Variants in PSKH2 observed in about 807,000 individuals in gnomAD.
PSKH2 encodes serine/threonine-protein kinase H2.
PSKH2 carries 16 observed loss-of-function variants against 22.5 expected under a neutral mutation model. That is an observed-to-expected ratio of 0.71 (90% CI 0.48 to 1.08). The LOEUF (loss-of-function observed/expected upper bound fraction) is 1.08. PSKH2 is among the 50% of genes least tolerant of loss of function. PSKH2 has a pLI of 0.00. For missense variants in PSKH2, 516 were observed against 492.8 expected (o/e 1.05, Z -0.44); for synonymous variants, 188 against 184.8 (o/e 1.02, Z -0.14).
chr8:86,056,142 T>A (rs76274784), intron 2 of PSKH2, among the ~76,000 whole-genome samples: 2 of 151,692 alleles, frequency 1.3e-5, no homozygotes, highest in East Asian at 1.9e-4. Flanking sequence ...TTTTTTTTTT[T>A]AAATGAGCTG....
At chr8:86,061,021 G>T (rs1817770171) in intron 2 of PSKH2, among the ~76,000 whole-genome samples, 1 of 152,174 alleles carries the variant, frequency 6.6e-6, no homozygotes, top group Non-Finnish European at 1.5e-5. Context: ...GAGTCACTCT[G>T]CCTTGACCTC....
Position 86,047,886 on chromosome 8 carries a change from G to T in PSKH2, c.*576C>A, listed in dbSNP as rs541445899. 6.6e-6 allele frequency among the ~76,000 whole-genome samples: 1 copy of T among 151,854 alleles called. No individual in the cohort carries two copies. The highest frequency in any genetic ancestry group is 2.4e-5 in the African/African-American group (1 of 41,348). On this transcript the variant is annotated 3_prime_UTR_variant, in exon 3 of 3. Transcript: ENST00000276616. The stretch of plus-strand genomic sequence containing the variant: ...ATTCTTAAAAATCTCTATTTTTCCC[G>T]TGAATAATGCCCCAATTAGACTAAA...
intron 1 of PSKH2, among the ~76,000 whole-genome samples, chr8:86,067,654 A>G (rs547757624): frequency 1.3e-5 from 2 of 152,230 alleles, no homozygotes; most frequent in East Asian, 1.9e-4. Context: ...ATTTTTGAAC[A>G]TAGATTAAAG....
Position 86,069,664 on chromosome 8 carries a change from G to A in PSKH2, c.-42C>T. 1 of 1,477,788 alleles carries A rather than the reference G, an allele frequency of 6.8e-7. No homozygotes were observed. The highest frequency in any genetic ancestry group is 8.9e-7 in the Non-Finnish European group (1 of 1,118,686). The allele number at this position is 1,477,788 out of a possible 1,614,324, so 91.5% of individuals were successfully genotyped here. Reference sequence around the variant, plus strand: ...CCGCTCGCGGGACCTGGGGACTCGGGAAGCAGCCAGCCCCGTTCCTCCGCC... The same window carrying A: ...CCGCTCGCGGGACCTGGGGACTCGGAAAGCAGCCAGCCCCGTTCCTCCGCC... On this transcript the variant is annotated 5_prime_UTR_variant, in exon 1 of 3. Transcript: ENST00000276616.
chr8:86,062,763 A>C (rs1255187925), intron 2 of PSKH2, among the ~76,000 whole-genome samples: 2 of 152,216 alleles, frequency 1.3e-5, no homozygotes, highest in Admixed American at 6.5e-5. Context: ...ATTTCTTTAC[A>C]GTAGTGTGAA....
chr8:86,064,003 TG>T lies in PSKH2; in HGVS notation c.813del (p.Tyr271Ter). 6.2e-7 allele frequency: 1 copy of T among 1,613,678 alleles called. No individual in the cohort carries two copies. Among genetic ancestry groups the T allele is most frequent in the Non-Finnish European group, 8.5e-7 (1 of 1,179,832 alleles). On this transcript the variant is annotated frameshift_variant, in exon 2 of 3. Transcript: ENST00000276616. LOFTEE classifies it low-confidence loss of function (END_TRUNC). ...TTATATTTGCCTTTCAGAATCTTCC[TG>T]TAAAGCCTTGTCTGGCTTTCATCAT... ...PFDDESQTRL[Y>X]RKILKGKYNY...
At chr8:86,068,805 C>T (rs1817902546) in intron 1 of PSKH2, among the ~76,000 whole-genome samples, 1 of 152,142 alleles carries the variant, frequency 6.6e-6, no homozygotes, top group Non-Finnish European at 1.5e-5. Context: ...ACCGCAGATG[C>T]TGGAGGTTGG....
In PSKH2 at chr8:86,055,566, A is replaced by T. The variant is rs192992384; in HGVS notation, c.853-6799T>A. 3.6e-3 allele frequency among the ~76,000 whole-genome samples: 548 copies of T among 152,336 alleles called. 2 individuals are homozygous for T. The highest frequency in any genetic ancestry group is 5.2e-3 in the Admixed American group (80 of 15,298). On this transcript the variant is annotated intron_variant, in intron 2 of 2. Transcript: ENST00000276616. ...TAATTAAGCACCACATATTTTGGTG[A>T]GCATAAGTACTTAGGAACTAAACCA...
intron 1 of PSKH2, among the ~76,000 whole-genome samples, chr8:86,065,247 A>T (rs1391095949): frequency 1.3e-5 from 2 of 152,224 alleles, no homozygotes; most frequent in Non-Finnish European, 2.9e-5. Flanking sequence ...GAGAATAAAC[A>T]GTATGTTTCT....
At chr8:86,062,104 G>A (rs927995497) in intron 2 of PSKH2, among the ~76,000 whole-genome samples, 3 of 152,088 alleles carry the variant, frequency 2.0e-5, no homozygotes, top group Non-Finnish European at 4.4e-5. Context: ...CCATGCAAAC[G>A]TTTTCCCACA....
chr8:86,055,400 T>A lies in PSKH2; in HGVS notation c.853-6633A>T, dbSNP rs144767444. 3.5e-4 allele frequency among the ~76,000 whole-genome samples: 53 copies of A among 152,290 alleles called. No individual in the cohort carries two copies. In the East Asian group the frequency reaches 9.8e-3, roughly 28 times the overall value. ...GTGATTGAGTTTAAGAGATGAAGGT[T>A]TATATCCATTCAGTTTAAGGCAAGT... On this transcript the variant is annotated intron_variant, in intron 2 of 2. Coordinates refer to ENST00000276616, the MANE Select transcript of PSKH2 (RefSeq NM_033126.3).
At position 86,064,624 on chromosome 8, in the gene PSKH2, T is replaced by C; in HGVS notation, c.193A>G (p.Ile65Val). Residue 65 changes from isoleucine to valine, a missense_variant, in exon 2 of 3, where the codon ATC becomes GTC. Ile to Val is a conservative substitution (Grantham distance 29). Coordinates refer to ENST00000276616, the MANE Select transcript of PSKH2 (RefSeq NM_033126.3). ...FDPRVLARYD[I>V]KALIGTGSFS... ...CTGCCTGTCCCAATAAGAGCTTTGATGTCATATCTGTTGGGAAGAAAAACC... is the reference window on the plus strand; with the variant it reads ...CTGCCTGTCCCAATAAGAGCTTTGACGTCATATCTGTTGGGAAGAAAAACC... 6.2e-7 allele frequency: 1 copy of C among 1,609,110 alleles called. No homozygotes were observed. The highest frequency in any genetic ancestry group is 1.1e-5 in the South Asian group (1 of 90,936).
intron 1 of PSKH2, among the ~76,000 whole-genome samples, chr8:86,065,275 G>C (rs750219014): frequency 1.3e-5 from 2 of 152,162 alleles, no homozygotes; most frequent in African/African-American, 2.4e-5. Context: ...GCTTGACTGT[G>C]AGCTCAGCCC....
Position 86,048,608 on chromosome 8 carries a change from G to T in PSKH2, c.1012C>A (p.Arg338=), listed in dbSNP as rs772210187. The change falls in exon 3 of 3, where the codon CGA becomes AGA. Residue 338 remains arginine, a synonymous_variant. Coordinates refer to ENST00000276616, the MANE Select transcript of PSKH2 (RefSeq NM_033126.3). ...GGAGAGGCCCTCTGCATGAGGTTTC[G>T]GGATATGGCCCTCTGGAGATTCTTC... ...SMKNLQRAIS[R]NLMQRASPHS... is the part of the protein sequence containing the mutation. 1.9e-6 allele frequency: 3 copies of T among 1,613,952 alleles called. No individual in the cohort carries two copies. Among genetic ancestry groups the T allele is most frequent in the Non-Finnish European group, 8.5e-7 (1 of 1,180,012 alleles).
rs762540551 is a variant in PSKH2 at position 86,069,527 on chromosome 8, C to T, written c.96G>A (p.Ala32=). 2.9e-5 allele frequency: 46 copies of T among 1,608,916 alleles called. No homozygotes were observed. The highest frequency in any genetic ancestry group is 3.6e-5 in the Non-Finnish European group (42 of 1,178,474). ...GGGCCGCCGCCTCGGGCCCAGGCCCCGCGCCTCCGACGCCGGCTTGGTTTT... is the reference window on the plus strand; with the variant it reads ...GGGCCGCCGCCTCGGGCCCAGGCCCTGCGCCTCCGACGCCGGCTTGGTTTT... ...EGQNQAGVGG[A]GPGPEAAAQA... is the part of the protein sequence containing the mutation. The change falls in exon 1 of 3, where the codon GCG becomes GCA. Residue 32 remains alanine, a synonymous_variant. Coordinates refer to ENST00000276616, the MANE Select transcript of PSKH2 (RefSeq NM_033126.3).
At chr8:86,049,742 GAA>G (rs1386551850) in intron 2 of PSKH2, among the ~76,000 whole-genome samples, 1 of 24,970 alleles carries the variant, frequency 4.0e-5, no homozygotes, top group East Asian at 2.3e-3. Flanking sequence ...AAGAAAGAAA[GAA>G]AGAAACGAAA....
intron 2 of PSKH2, among the ~76,000 whole-genome samples, chr8:86,061,548 G>A (rs1817777590): frequency 6.6e-6 from 1 of 152,044 alleles, no homozygotes; most frequent in Non-Finnish European, 1.5e-5. Context: ...GAAGAGGACT[G>A]GCAACTTCCA....
chr8:86,055,474 G>C (rs1393220109), intron 2 of PSKH2, among the ~76,000 whole-genome samples: 2 of 152,182 alleles, frequency 1.3e-5, no homozygotes, highest in Non-Finnish European at 2.9e-5. Context: ...AGTTACTCTT[G>C]TAAGATTTAA....
intron 2 of PSKH2, among the ~76,000 whole-genome samples, chr8:86,050,070 AG>A (rs1291586334): frequency 6.6e-6 from 1 of 152,234 alleles, no homozygotes; most frequent in Non-Finnish European, 1.5e-5. Context: ...TTCCTATTTC[AG>A]GGATTTATAG....
Sources: allele counts gnomAD v4.1 joint callset (sites outside exome capture counted in the v4.1 genomes callset), GRCh38; gene constraint gnomAD v4.1.1; transcripts MANE v1.5; gene names NCBI Gene and HGNC (gene_info 2026-07-23, HGNC 2026-07-21).